The following PKD1L3 variants were observed in gnomAD, a reference collection of about 807,000 sequenced individuals.
PKD1L3 encodes polycystin 1 like 3, transient receptor potential channel interacting.
PKD1L3 carries 239 observed loss-of-function variants against 184.1 expected under a neutral mutation model. The ratio of observed to expected loss-of-function variants is 1.30; its 90% CI spans 1.17 to 1.45. The LOEUF is 1.45. Ranked by LOEUF, PKD1L3 falls within the 40% of genes most tolerant of loss-of-function variation. The pLI, the probability that PKD1L3 is intolerant of heterozygous loss-of-function variation, is 0.00. For missense variants in PKD1L3, 2,660 were observed against 2,067.2 expected (o/e 1.29, Z -5.56); for synonymous variants, 996 against 778.8 (o/e 1.28, Z -4.64).
At chr16:71,977,638 C>T (rs1298946325) in intron 10 of PKD1L3, among the ~76,000 whole-genome samples, 171 bp from the exon 11 acceptor site, 1 of 148,996 alleles carries the variant, frequency 6.7e-6, no homozygotes, top group African/African-American at 2.5e-5. Context: ...CTCAAGCAAT[C>T]CTCCCGCTTC....
At chr16:71,995,001 CA>C (rs1303795562) in intron 2 of PKD1L3, among the ~76,000 whole-genome samples, 4 of 151,948 alleles carry the variant, frequency 2.6e-5, no homozygotes, top group Non-Finnish European at 4.4e-5. Context: ...GAAAAAAAAA[CA>C]GTTGACTTAA....
chr16:71,982,056 T>A lies in PKD1L3; in HGVS notation c.1143+3A>T. 1 of 1,541,186 alleles carries A rather than the reference T, an allele frequency of 6.5e-7. No homozygotes were observed. The highest frequency in any genetic ancestry group is 8.8e-7 in the Non-Finnish European group (1 of 1,142,828). The stretch of plus-strand genomic sequence containing the variant: ...TCTGGCCACCTGCATATCTGGCACC[T>A]ACCGGCTCAGTATGACGCTTGGATT... On this transcript the variant is annotated splice_donor_region_variant and intron_variant, in intron 7 of 29. Transcript: ENST00000620267.
At position 71,929,608 on chromosome 16, in the gene PKD1L3, T is replaced by C. The variant is rs1488725716; in HGVS notation, c.5129A>G (p.Lys1710Arg). The change falls in exon 30 of 30, where the codon AAA becomes AGA. Residue 1710 changes from lysine to arginine, a missense_variant. Transcript: ENST00000620267. ...SNLLGISWPQ[K>R]TSSEQAATTA... is the part of the protein sequence containing the mutation. ...CGTGGCTGCTTGCTCAGATGAGGTT[T>C]TTTGGGGCCAACTGATTCCTAACAA... is the stretch of plus-strand genomic sequence containing the variant. 6 of 1,551,762 alleles carry C rather than the reference T, an allele frequency of 3.9e-6. No homozygotes were observed. The African/African-American group carries it at 4.1e-5, about 11-fold the overall frequency.
In PKD1L3 at chr16:71,952,898, A is replaced by G. The variant is rs567808221; in HGVS notation, c.3005T>C (p.Val1002Ala). 3.7e-4 allele frequency: 570 copies of G among 1,540,254 alleles called. No individual in the cohort carries two copies. The highest frequency in any genetic ancestry group is 4.7e-4 in the Non-Finnish European group (538 of 1,143,964). The change falls in exon 18 of 30, where the codon GTT (valine) becomes GCT (alanine). Residue 1002 changes from valine (V) to alanine (A), a missense_variant. Coordinates refer to ENST00000620267, the MANE Select transcript of PKD1L3 (RefSeq NM_181536.2). ...AAAATTTGATACCAATCTTACCTCA[A>G]CTACCATTGTGGCAGAGAGAGGCTC... ...SVEPLSATMV[V>A]EELKETVRFL...
intron 21 of PKD1L3, among the ~76,000 whole-genome samples, chr16:71,948,380 G>C (rs1028295380): frequency 6.6e-6 from 1 of 152,144 alleles, no homozygotes. Context: ...CCCACAGCTG[G>C]CCTGGGATTT....
intron 7 of PKD1L3, 103 bp downstream of exon 7, chr16:71,981,956 G>GC: frequency 8.0e-7 from 1 of 1,250,832 alleles, no homozygotes; most frequent in Non-Finnish European, 1.1e-6. Flanking sequence ...AGAAACTTCA[G>GC]CAAGATTATC....
chr16:71,939,992 G>A (rs1163740357), intron 24 of PKD1L3, among the ~76,000 whole-genome samples: 1 of 152,168 alleles, frequency 6.6e-6, no homozygotes, highest in Non-Finnish European at 1.5e-5. Flanking sequence ...TAAGGCAGCT[G>A]TACAGGAAAC....
chr16:71,986,914 ATTTTTTTTTTT>A (rs71153694), intron 4 of PKD1L3, among the ~76,000 whole-genome samples: 5 of 81,364 alleles, frequency 6.1e-5, no homozygotes, highest in South Asian at 4.8e-4. Flanking sequence ...TAAGGAGAGG[ATTTTTTTTTTT>A]TTTTTTTTTT....
At chr16:71,929,804 GC>G in intron 29 of PKD1L3, 126 bp from the exon 30 acceptor site, 1 of 1,080,240 alleles carries the variant, frequency 9.3e-7, no homozygotes, top group Non-Finnish European at 1.3e-6. Flanking sequence ...TTAATAATTT[GC>G]AGTCAGGCAT....
At chr16:71,938,475 G>A (rs561275328) in intron 24 of PKD1L3, among the ~76,000 whole-genome samples, 1 of 152,252 alleles carries the variant, frequency 6.6e-6, no homozygotes, top group Non-Finnish European at 1.5e-5. Context: ...CAGGTCCCCA[G>A]TAAAGCCCCA....
chr16:71,968,883 A>C (rs2039602323), intron 13 of PKD1L3, among the ~76,000 whole-genome samples: 1 of 150,832 alleles, frequency 6.6e-6, no homozygotes, highest in African/African-American at 2.4e-5. Flanking sequence ...GGCGTGAGCC[A>C]CTTCACCCAG....
intron 14 of PKD1L3, 150 bp downstream of exon 14, chr16:71,967,756 T>A (rs939657911): frequency 5.8e-6 from 4 of 687,108 alleles, no homozygotes; most frequent in African/African-American, 5.4e-5. Flanking sequence ...TGAACCCCCA[T>A]GTGCGGCCCA....
chr16:71,966,595 T>G (rs932931709), intron 15 of PKD1L3, among the ~76,000 whole-genome samples: 1 of 151,996 alleles, frequency 6.6e-6, no homozygotes, highest in Non-Finnish European at 1.5e-5. Flanking sequence ...CCTGGCGATT[T>G]TTTTTGAAAT....
chr16:71,954,317 A>T lies in PKD1L3; in HGVS notation c.2613-16T>A, dbSNP rs568822864. On this transcript the variant is annotated splice_polypyrimidine_tract_variant and intron_variant, in intron 16 of 29. Transcript: ENST00000620267. ...AAACAGATGTCTGAAAAGAGAAATC[A>T]GAAGAGGAAATACATGAGATTTTAT... 6 of 1,502,168 alleles carry T rather than the reference A, an allele frequency of 4.0e-6. No individual in the cohort carries two copies. The South Asian group carries it at 6.4e-5, about 16-fold the overall frequency. 93.1% of individuals were successfully genotyped at this position (1,502,168 alleles called of 1,614,324 possible).
rs200969421 is a variant in PKD1L3 at position 71,979,913 on chromosome 16, C to T, written c.1272-1G>A. 503 of 1,550,772 alleles carry T rather than the reference C, an allele frequency of 3.2e-4. 1 individual carries two copies. The Middle Eastern group carries it at 5.2e-3, about 16-fold the overall frequency. On this transcript the variant is annotated splice_acceptor_variant, in intron 8 of 29. Coordinates refer to ENST00000620267, the MANE Select transcript of PKD1L3 (RefSeq NM_181536.2). LOFTEE classifies it high-confidence loss of function. ...CAGCGGTAAAGTTGATATGTTTTGT[C>T]TAATGAGAAAAGTTAAAATGGAAGT...
intron 1 of PKD1L3, among the ~76,000 whole-genome samples, chr16:71,998,999 C>T (rs971036712): frequency 2.0e-5 from 3 of 152,116 alleles, no homozygotes; most frequent in Admixed American, 6.6e-5. Flanking sequence ...GGGCCGGGCG[C>T]GGTGGCTCAC....
chr16:71,995,081 T>C (rs1597381009), intron 2 of PKD1L3, among the ~76,000 whole-genome samples: 2 of 152,320 alleles, frequency 1.3e-5, no homozygotes. Flanking sequence ...GGGTAATTTA[T>C]AAAGAACAGA....
chr16:71,951,757 C>T lies in PKD1L3; in HGVS notation c.3010-13G>A. On this transcript the variant is annotated splice_polypyrimidine_tract_variant and intron_variant, in intron 18 of 29. Coordinates refer to ENST00000620267, the MANE Select transcript of PKD1L3 (RefSeq NM_181536.2). ...TTTCCTTTAATTCCTGAATGTAGGA[C>T]CAGATGAGAAAAATCAGCCTGTTTT... 6.5e-7 allele frequency: 1 copy of T among 1,540,640 alleles called. No individual in the cohort carries two copies. The highest frequency in any genetic ancestry group is 8.8e-7 in the Non-Finnish European group (1 of 1,141,342).
At chr16:71,968,589 T>C (rs1017571738) in intron 13 of PKD1L3, among the ~76,000 whole-genome samples, 1 of 152,184 alleles carries the variant, frequency 6.6e-6, no homozygotes, top group East Asian at 1.9e-4. Flanking sequence ...ATTTCTTGTA[T>C]ATTATAGTTA....
Sources: gnomAD v4.1 joint callset for allele counts (sites outside exome capture counted in the v4.1 genomes callset) on GRCh38, gnomAD v4.1.1 for gene constraint, MANE v1.5 for transcripts, NCBI Gene and HGNC (gene_info 2026-07-23, HGNC 2026-07-21) for gene names.